Variants in ECSIT observed in about 807,000 individuals in gnomAD.
The protein encoded by ECSIT is ECSIT signaling integrator.
ECSIT carries 29 observed loss-of-function variants against 36.8 expected under a neutral mutation model. That is an observed-to-expected ratio of 0.79 (90% CI 0.59 to 1.08). The LOEUF is 1.08. ECSIT is among the 50% of genes least tolerant of loss of function. ECSIT has a pLI of 0.00. For synonymous variants in ECSIT, 231 were observed against 234.8 expected (o/e 0.98, Z 0.15); for missense variants, 542 against 581.0 (o/e 0.93, Z 0.69).
At chr19:11,507,174 G>A (rs1366629489) in intron 7 of ECSIT, among the ~76,000 whole-genome samples, 1 of 152,142 alleles carries the variant, frequency 6.6e-6, no homozygotes, top group Non-Finnish European at 1.5e-5. Context: ...GGACGAGGGT[G>A]TAAGTGGACT....
chr19:11,512,908 A>C (rs950879271), intron 4 of ECSIT, 148 bp downstream of exon 4: 2 of 802,648 alleles, frequency 2.5e-6, no homozygotes, highest in African/African-American at 3.4e-5. Context: ...GTGCCACCAC[A>C]CTCCAGCCTG....
chr19:11,518,805 G>A (rs763693353), intron 2 of ECSIT, among the ~76,000 whole-genome samples: 6 of 151,930 alleles, frequency 3.9e-5, no homozygotes, highest in Non-Finnish European at 5.9e-5. Flanking sequence ...AGGATGAGGC[G>A]GGAGGATTGC....
chr19:11,528,578 C>T (rs147723532), intron 1 of ECSIT, among the ~76,000 whole-genome samples: 195 of 152,318 alleles, frequency 1.3e-3, no homozygotes, highest in Middle Eastern at 6.8e-3. Flanking sequence ...GTCTGGTTCC[C>T]CCAGGAGATG....
At position 11,507,796 on chromosome 19, in the gene ECSIT, G is replaced by T; in HGVS notation, c.851C>A (p.Pro284His). 1 of 1,614,140 alleles carries T rather than the reference G, an allele frequency of 6.2e-7. No homozygotes were observed. Among genetic ancestry groups the T allele is most frequent in the Non-Finnish European group, 8.5e-7 (1 of 1,180,042 alleles). Residue 284 changes from proline (P) to histidine (H), a missense_variant, in exon 6 of 8, where the codon CCT (proline) becomes CAT (histidine). Coordinates refer to ENST00000270517, the MANE Select transcript of ECSIT (RefSeq NM_016581.5). ...GGAGAAGGGGCCCTCAACAAAGACAGGCCGGGCTGGATTGTGGCGGGCCAG... is the reference window on the plus strand; with the variant it reads ...GGAGAAGGGGCCCTCAACAAAGACATGCCGGGCTGGATTGTGGCGGGCCAG... ...AALARHNPAR[P>H]VFVEGPFSLW...
At position 11,507,560 on chromosome 19, in the gene ECSIT, T is replaced by G. The variant is rs1306716008; in HGVS notation, c.948A>C (p.Glu316Asp). ...RADLLPPEER[E>D]VEETPEEWNL... ...TCCACTCCTCCGGCGTCTCTTCCAC[T>G]TCCTACTCCAAGGTGGGGAGTGCAG... The change falls in exon 7 of 8, where the codon GAA (glutamate) becomes GAC (aspartate). Residue 316 changes from glutamate to aspartate, a missense_variant and splice_region_variant. Coordinates refer to ENST00000270517, the MANE Select transcript of ECSIT (RefSeq NM_016581.5). 1 of 1,614,022 alleles carries G rather than the reference T, an allele frequency of 6.2e-7. No homozygotes were observed. The highest frequency in any genetic ancestry group is 1.7e-5 in the Admixed American group (1 of 60,000).
chr19:11,523,442 G>A (rs969197947), intron 1 of ECSIT: 6 of 781,558 alleles, frequency 7.7e-6, no homozygotes, highest in South Asian at 1.9e-5. Flanking sequence ...TGCCATGGCC[G>A]AGGGAGGCAT....
At chr19:11,521,720 G>T (rs753061348) in intron 1 of ECSIT, among the ~76,000 whole-genome samples, 4 of 152,090 alleles carry the variant, frequency 2.6e-5, no homozygotes, top group Non-Finnish European at 5.9e-5. Flanking sequence ...AAGCTGCAGT[G>T]AGCCAAGATC....
chr19:11,522,549 G>A, intron 1 of ECSIT: 3 of 679,100 alleles, frequency 4.4e-6, no homozygotes, highest in Admixed American at 2.6e-5. Flanking sequence ...GAACGCCCCG[G>A]TAAAAAAAAA....
chr19:11,510,732 A>C (rs1000596259), intron 4 of ECSIT: 26 of 152,134 alleles, frequency 1.7e-4, no homozygotes, highest in African/African-American at 5.5e-4. Context: ...ATTGCTTTGC[A>C]AAATGAAGAA....
At chr19:11,515,310 A>G (rs1453456804) in intron 2 of ECSIT, among the ~76,000 whole-genome samples, 3 of 149,666 alleles carry the variant, frequency 2.0e-5, no homozygotes, top group Non-Finnish European at 4.4e-5. Context: ...TCACTGTGTT[A>G]GTCAGGATGG....
intron 1 of ECSIT, chr19:11,523,924 A>G (rs866638414): frequency 5.4e-6 from 2 of 368,816 alleles, no homozygotes; most frequent in Non-Finnish European, 1.0e-5. Flanking sequence ...ATTAGTAGTT[A>G]AGATTTTTTG....
At position 11,508,063 on chromosome 19, in the gene ECSIT, AG is replaced by A. The variant is rs766137116; in HGVS notation, c.739-16del. The A allele has an allele frequency of 2.2e-5, 35 of 1,613,996 alleles. No homozygotes were observed. Among genetic ancestry groups the A allele is most frequent in the Non-Finnish European group, 3.0e-5 (35 of 1,179,942 alleles). Reference sequence around the variant, plus strand: ...GGCAAAGGAACCTGCAAGGGAGAGTAGGGATATAATCTTGTAACCCCCAATC... The same window carrying A: ...GGCAAAGGAACCTGCAAGGGAGAGTAGGATATAATCTTGTAACCCCCAATC... On this transcript the variant is annotated splice_polypyrimidine_tract_variant and intron_variant, in intron 4 of 7. Transcript: ENST00000270517.
chr19:11,514,058 G>T lies in ECSIT; in HGVS notation c.260C>A (p.Ala87Glu), dbSNP rs149628911. 1 of 1,614,062 alleles carries T rather than the reference G, an allele frequency of 6.2e-7. No homozygotes were observed. Among genetic ancestry groups the T allele is most frequent in the Non-Finnish European group, 8.5e-7 (1 of 1,180,028 alleles). The change falls in exon 3 of 8, where the codon GCG (alanine) becomes GAG (glutamate). Residue 87 changes from alanine (A) to glutamate (E), a missense_variant. By Grantham distance (107) the Ala-to-Glu change is moderately radical (BLOSUM62 -1). Coordinates refer to ENST00000270517, the MANE Select transcript of ECSIT (RefSeq NM_016581.5). ...GQAPGGERDK[A>E]SFLQTVQKFA... is the part of the protein sequence containing the mutation. ...TTTCTGCACCGTCTGCAGGAAGCTC[G>T]CCTTGTCCCGTTCCCCACCAGGCGC...
intron 1 of ECSIT, among the ~76,000 whole-genome samples, chr19:11,524,663 A>C (rs1039219369): frequency 9.9e-5 from 15 of 151,816 alleles, no homozygotes; most frequent in African/African-American, 3.6e-4. Flanking sequence ...AAAAAAAAGA[A>C]AGAAAAAAAA....
chr19:11,506,528 CCTTTT>C (rs1971744323), intron 7 of ECSIT, 100 bp from the exon 8 acceptor site: 6 of 1,004,582 alleles, frequency 6.0e-6, no homozygotes, highest in East Asian at 3.2e-5. Flanking sequence ...CCTTCCACTT[CCTTTT>C]TTTTTTTTTT....
At position 11,513,966 on chromosome 19, in the gene ECSIT, G is replaced by A. The variant is rs749232980; in HGVS notation, c.352C>T (p.Arg118Trp). 2.5e-6 allele frequency: 4 copies of A among 1,614,204 alleles called. No individual in the cohort carries two copies. The highest frequency in any genetic ancestry group is 2.2e-5 in the East Asian group (1 of 44,878). The stretch of plus-strand genomic sequence containing the variant: ...AGGTCCCGCTCGACACCATACTCCC[G>A]CATCTTGCGCAGGGCCAGGTAGATG... ...DFIYLALRKMREYGVERDLAV... is the reference protein window; with the variant it reads ...DFIYLALRKMWEYGVERDLAV... The change falls in exon 3 of 8, where the codon CGG (arginine) becomes TGG (tryptophan). Residue 118 changes from arginine to tryptophan, a missense_variant. Physicochemically the swap from Arg to Trp is moderately radical, Grantham distance 101 (BLOSUM62 -3). Transcript: ENST00000270517.
At chr19:11,511,970 T>A (rs1293620533) in intron 4 of ECSIT, among the ~76,000 whole-genome samples, 1 of 150,450 alleles carries the variant, frequency 6.6e-6, no homozygotes, top group Non-Finnish European at 1.5e-5. Flanking sequence ...GAGTCAGAGT[T>A]GCAGTGAGCT....
chr19:11,521,534 A>C (rs1972104022), intron 1 of ECSIT, among the ~76,000 whole-genome samples: 1 of 150,980 alleles, frequency 6.6e-6, no homozygotes, highest in Non-Finnish European at 1.5e-5. Flanking sequence ...CGGGAGGTCG[A>C]AGCAGGCAGA....
chr19:11,506,659 C>A (rs1337203954), intron 7 of ECSIT, among the ~76,000 whole-genome samples: 2 of 151,936 alleles, frequency 1.3e-5, no homozygotes, highest in Non-Finnish European at 2.9e-5. Context: ...CTCGGCCTCC[C>A]GAGGAGCTGG....
Sources: gnomAD v4.1 joint callset for allele counts (sites outside exome capture counted in the v4.1 genomes callset) on GRCh38, gnomAD v4.1.1 for gene constraint, MANE v1.5 for transcripts, NCBI Gene and HGNC (gene_info 2026-07-23, HGNC 2026-07-21) for gene names.